The following PDE4B variants were observed in gnomAD, a reference collection of about 807,000 sequenced individuals.
PDE4B encodes the protein phosphodiesterase 4B.
PDE4B carries 20 observed loss-of-function variants against 82.2 expected under a neutral mutation model. That is an observed-to-expected ratio of 0.24 (90% CI 0.17 to 0.35). The LOEUF (loss-of-function observed/expected upper bound fraction) is 0.35, where lower values mean the gene tolerates loss of function less well. Among genes scored for constraint, PDE4B ranks in the 10% least tolerant of loss-of-function variants. The pLI, the probability that PDE4B is intolerant of heterozygous loss-of-function variation, is 1.00. For missense variants in PDE4B, 655 were observed against 907.2 expected (o/e 0.72, Z 3.57); for synonymous variants, 320 against 318.9 (o/e 1.00, Z -0.04).
chr1:65,882,360 A>G (rs1302820192), intron 1 of PDE4B, among the ~76,000 whole-genome samples: 1 of 152,200 alleles, frequency 6.6e-6, no homozygotes, highest in Admixed American at 6.6e-5. Context: ...ATTGAAGTGA[A>G]TTGTCATTGA....
At chr1:66,369,507 A>C (rs1663515755) in intron 16 of PDE4B, among the ~76,000 whole-genome samples, 1 of 152,224 alleles carries the variant, frequency 6.6e-6, no homozygotes, top group East Asian at 1.9e-4. Flanking sequence ...AAAGCAACAC[A>C]TTCTGTGTGT....
intron 7 of PDE4B, chr1:66,267,168 A>C (rs1299796908): frequency 1.3e-5 from 2 of 153,946 alleles, no homozygotes; most frequent in Admixed American, 6.4e-5. Flanking sequence ...AACGAGAAAA[A>C]AAAGTGAAAG....
intron 1 of PDE4B, among the ~76,000 whole-genome samples, chr1:65,863,574 T>G (rs2100265683): frequency 6.6e-6 from 1 of 152,326 alleles, no homozygotes; most frequent in Admixed American, 6.5e-5. Flanking sequence ...ATTTTCTGTC[T>G]TGTTGATCTG....
At chr1:66,367,229 A>G (rs61320663) in intron 13 of PDE4B, among the ~76,000 whole-genome samples, 47 of 152,344 alleles carry the variant, frequency 3.1e-4, no homozygotes, top group African/African-American at 1.1e-3. Context: ...ATCAAGCATT[A>G]TCTTTAACCA....
chr1:66,246,830 A>G (rs927895889), intron 3 of PDE4B, among the ~76,000 whole-genome samples: 4 of 152,216 alleles, frequency 2.6e-5, no homozygotes, highest in African/African-American at 9.7e-5. Context: ...TTGGAGAGTA[A>G]TTTGGTGTTA....
At chr1:65,897,220 C>T (rs751158088) in intron 1 of PDE4B, among the ~76,000 whole-genome samples, 18 of 152,086 alleles carry the variant, frequency 1.2e-4, no homozygotes, top group Non-Finnish European at 2.4e-4. Context: ...AGAATTTCAA[C>T]CCAGAGTTTG....
intron 3 of PDE4B, among the ~76,000 whole-genome samples, chr1:65,927,226 TA>T (rs1647551620): frequency 6.6e-6 from 1 of 151,680 alleles, no homozygotes; most frequent in Admixed American, 6.6e-5. Flanking sequence ...TTTTTCAAGC[TA>T]AACTTTCTTA....
At chr1:66,083,961 T>G (rs1402872533) in intron 3 of PDE4B, among the ~76,000 whole-genome samples, 1 of 152,166 alleles carries the variant, frequency 6.6e-6, no homozygotes, top group Non-Finnish European at 1.5e-5. Flanking sequence ...ATCTCTCAGA[T>G]GAGTGGCAGT....
intron 3 of PDE4B, among the ~76,000 whole-genome samples, chr1:66,039,579 T>A (rs1295552828): frequency 4.6e-5 from 7 of 152,070 alleles, no homozygotes; most frequent in African/African-American, 1.7e-4. Context: ...ATATCTATAA[T>A]CTTTCTATCT....
chr1:65,829,133 T>C (rs909103704), intron 1 of PDE4B, among the ~76,000 whole-genome samples: 2 of 152,164 alleles, frequency 1.3e-5, no homozygotes, highest in African/African-American at 4.8e-5. Context: ...AGATATACCA[T>C]GACAATGCTA....
At chr1:65,911,711 T>C (rs1283946140) in intron 1 of PDE4B, among the ~76,000 whole-genome samples, 1 of 152,184 alleles carries the variant, frequency 6.6e-6, no homozygotes, top group Admixed American at 6.5e-5. Flanking sequence ...CTTTGGTGTA[T>C]GCCGAGGAAA....
chr1:65,896,272 C>A (rs866040140), intron 1 of PDE4B, among the ~76,000 whole-genome samples: 3 of 152,090 alleles, frequency 2.0e-5, no homozygotes, highest in South Asian at 4.1e-4. Flanking sequence ...TCTTACATGG[C>A]AGCAGGCAAG....
At chr1:66,102,990 T>TA (rs1452305513) in intron 3 of PDE4B, among the ~76,000 whole-genome samples, 2 of 152,134 alleles carry the variant, frequency 1.3e-5, no homozygotes, top group African/African-American at 4.8e-5. Flanking sequence ...GGAAGGATCC[T>TA]ATGGTTCTTT....
chr1:66,363,314 A>T lies in PDE4B; in HGVS notation c.1119+48A>T, dbSNP rs1247850359. Reference sequence around the variant, plus strand: ...TGGCTTTCCAATTGGATGGCTCTTTATGATTTTTTTTTTCCATCTTACTTT... The same window carrying T: ...TGGCTTTCCAATTGGATGGCTCTTTTTGATTTTTTTTTTCCATCTTACTTT... On this transcript the variant is annotated intron_variant, in intron 11 of 16. Coordinates refer to ENST00000341517, the MANE Select transcript of PDE4B (RefSeq NM_002600.4). The T allele has an allele frequency of 2.6e-6, 4 of 1,542,536 alleles. No homozygotes were observed. In the African/African-American group the frequency reaches 4.2e-5, roughly 16 times the overall value.
chr1:66,372,720 G>T lies in PDE4B; in HGVS notation c.*42G>T. 6.4e-7 allele frequency: 1 copy of T among 1,573,298 alleles called. No individual in the cohort carries two copies. The highest frequency in any genetic ancestry group is 1.2e-5 in the South Asian group (1 of 83,628). ...GAGATGAACATTCTATCCTTGATGA[G>T]CATGCCAGCTATGTGGTAGGGCCAG... On this transcript the variant is annotated 3_prime_UTR_variant, in exon 17 of 17. Transcript: ENST00000341517.
intron 7 of PDE4B, among the ~76,000 whole-genome samples, chr1:66,282,954 C>T (rs1279333697): frequency 3.9e-5 from 6 of 152,116 alleles, no homozygotes; most frequent in African/African-American, 7.2e-5. Context: ...GACAAGAGGC[C>T]ATACTATTGT....
chr1:66,092,471 C>T (rs1307961439), intron 3 of PDE4B, among the ~76,000 whole-genome samples: 1 of 151,882 alleles, frequency 6.6e-6, no homozygotes, highest in Non-Finnish European at 1.5e-5. Context: ...CTATTAGGTA[C>T]CAGGTTCTGT....
chr1:66,275,901 G>T lies in PDE4B; in HGVS notation c.634+9814G>T, dbSNP rs114653836. ...TCAGAGCTGTTGACAAGCACCAAAAGCGACCCCTTGGAGTTTTCTGTATTT... is the reference window on the plus strand; with the variant it reads ...TCAGAGCTGTTGACAAGCACCAAAATCGACCCCTTGGAGTTTTCTGTATTT... On this transcript the variant is annotated intron_variant, in intron 7 of 16. Coordinates refer to ENST00000341517, the MANE Select transcript of PDE4B (RefSeq NM_002600.4). 5.0e-3 allele frequency among the ~76,000 whole-genome samples: 758 copies of T among 152,298 alleles called. 6 individuals carry two copies. The highest frequency in any genetic ancestry group is 0.017 in the African/African-American group (725 of 41,552).
At chr1:65,886,818 A>C (rs1252746633) in intron 1 of PDE4B, among the ~76,000 whole-genome samples, 1 of 152,218 alleles carries the variant, frequency 6.6e-6, no homozygotes, top group African/African-American at 2.4e-5. Flanking sequence ...GCTATTGTGA[A>C]CAATGCAGCG....
Sources: allele counts gnomAD v4.1 joint callset (sites outside exome capture counted in the v4.1 genomes callset), GRCh38; gene constraint gnomAD v4.1.1; transcripts MANE v1.5; gene names NCBI Gene and HGNC (gene_info 2026-07-23, HGNC 2026-07-21).